GALNT17: variants seen among roughly 807,000 people sequenced by gnomAD.
GALNT17 encodes the protein UDP-GalNAc:polypeptide N-acetylgalactosaminyltransferase-like 3.
A neutral mutation model predicts 63.7 loss-of-function variants in GALNT17; 29 were observed. The ratio of observed to expected loss-of-function variants is 0.46; its 90% CI spans 0.34 to 0.62. GALNT17 has a LOEUF of 0.62. Ranked by LOEUF, GALNT17 falls within the 20% of genes least tolerant of loss-of-function variation. The pLI, the probability that GALNT17 is intolerant of heterozygous loss-of-function variation, is 0.01. For synonymous variants in GALNT17, 305 were observed against 318.3 expected, an observed-to-expected ratio of 0.96 and a Z score of 0.45; for missense variants, 603 against 799.6, an observed-to-expected ratio of 0.75 and a Z score of 2.97.
chr7:71,706,562 T>A (rs1791724442), intron 9 of GALNT17, among the ~76,000 whole-genome samples: 1 of 152,190 alleles, frequency 6.6e-6, no homozygotes, highest in Admixed American at 6.5e-5. Context: ...ACTTTGCATT[T>A]GGAGAATTTA....
intron 6 of GALNT17, among the ~76,000 whole-genome samples, chr7:71,665,099 T>TCCCCA (rs1790964337): frequency 6.6e-6 from 1 of 152,172 alleles, no homozygotes; most frequent in Admixed American, 6.5e-5. Flanking sequence ...TGCCTCAGCC[T>TCCCCA]CCTGAGTAGC....
intron 5 of GALNT17, among the ~76,000 whole-genome samples, chr7:71,440,941 T>G (rs949008535): frequency 1.3e-5 from 2 of 152,168 alleles, no homozygotes; most frequent in Admixed American, 1.3e-4. Context: ...TCCTCTTGTT[T>G]ATGGAAATAC....
intron 1 of GALNT17, among the ~76,000 whole-genome samples, chr7:71,281,600 C>T (rs1790778089): frequency 6.6e-6 from 1 of 152,146 alleles, no homozygotes; most frequent in South Asian, 2.1e-4. Context: ...AAGGCATCAT[C>T]CCTTATTATT....
At chr7:71,475,603 C>T (rs1787709993) in intron 5 of GALNT17, among the ~76,000 whole-genome samples, 1 of 152,174 alleles carries the variant, frequency 6.6e-6, no homozygotes, top group Non-Finnish European at 1.5e-5. Context: ...CCACCACTCA[C>T]CTCCTGCTAT....
chr7:71,512,565 G>A (rs1314085927), intron 5 of GALNT17, among the ~76,000 whole-genome samples: 2 of 152,184 alleles, frequency 1.3e-5, no homozygotes, highest in African/African-American at 2.4e-5. Flanking sequence ...AGACGGCAAC[G>A]TTGCTTCTCA....
chr7:71,641,315 T>G (rs192003685), intron 6 of GALNT17, among the ~76,000 whole-genome samples: 33 of 152,332 alleles, frequency 2.2e-4, no homozygotes, highest in Non-Finnish European at 3.8e-4. Flanking sequence ...TCTTGGGCAT[T>G]GTTGACCTTC....
At chr7:71,343,326 A>G (rs1027004950) in intron 2 of GALNT17, among the ~76,000 whole-genome samples, 2 of 152,228 alleles carry the variant, frequency 1.3e-5, no homozygotes, top group African/African-American at 4.8e-5. Context: ...AGCTTTAAGT[A>G]GGCTAATTTC....
Position 71,678,103 on chromosome 7 carries a change from T to G in GALNT17, c.1500+797T>G, listed in dbSNP as rs139836737. ...CCAGGCTTTCCAGCACAGCCAAGCA[T>G]TTTATACTATTTATTTATTTATTTA... On this transcript the variant is annotated intron_variant, in intron 9 of 10. Transcript: ENST00000333538. Among the ~76,000 whole-genome samples the G allele has an allele frequency of 4.8e-3, 733 of 152,016 alleles. 9 individuals are homozygous for G. The highest frequency in any genetic ancestry group is 0.017 in the African/African-American group (694 of 41,476).
intron 5 of GALNT17, among the ~76,000 whole-genome samples, chr7:71,459,514 T>C (rs1488661893): frequency 6.6e-6 from 1 of 152,030 alleles, no homozygotes; most frequent in Non-Finnish European, 1.5e-5. Flanking sequence ...ACCTGGGGAG[T>C]CATGCCTTAT....
intron 1 of GALNT17, among the ~76,000 whole-genome samples, chr7:71,226,187 C>T (rs79557453): frequency 6.6e-6 from 1 of 152,286 alleles, no homozygotes; most frequent in Admixed American, 6.5e-5. Context: ...TCTTTAGGAA[C>T]TTCAATTTTG....
intron 5 of GALNT17, among the ~76,000 whole-genome samples, chr7:71,479,840 G>A (rs1343658748): frequency 2.6e-5 from 4 of 152,136 alleles, no homozygotes; most frequent in Admixed American, 1.3e-4. Flanking sequence ...TGTTTTTCTA[G>A]GAAATCTTCC....
rs1791195801 is a variant in GALNT17 at position 71,301,428 on chromosome 7, T to C, written c.239-34122T>C. Among the ~76,000 whole-genome samples, 3 of 147,668 alleles carry C rather than the reference T, an allele frequency of 2.0e-5. 1 individual carries two copies. Among genetic ancestry groups the C allele is most frequent in the South Asian group, 4.2e-4 (2 of 4,776 alleles). On this transcript the variant is annotated intron_variant, in intron 1 of 10. Coordinates refer to ENST00000333538, the MANE Select transcript of GALNT17 (RefSeq NM_022479.3). ...ATTTAAATATGTATATAATAAAATA[T>C]ATAACATATATTTTAAATATTGTTT... is the stretch of plus-strand genomic sequence containing the variant.
chr7:71,132,890 C>T lies in GALNT17; in HGVS notation c.88C>T (p.Pro30Ser), dbSNP rs760371137. 4 of 1,612,910 alleles carry T rather than the reference C, an allele frequency of 2.5e-6. No homozygotes were observed. The highest frequency in any genetic ancestry group is 2.2e-5 in the East Asian group (1 of 44,816). ...GFVLFLAKCR[P>S]IAVRSGDAFH... Reference sequence around the variant, plus strand: ...CGTGCTCTTCCTGGCCAAGTGCCGGCCCATCGCGGTGCGCAGCGGAGACGC... The same window carrying T: ...CGTGCTCTTCCTGGCCAAGTGCCGGTCCATCGCGGTGCGCAGCGGAGACGC... Residue 30 changes from proline to serine, a missense_variant, in exon 1 of 11, where the codon CCC (proline) becomes TCC (serine). Coordinates refer to ENST00000333538, the MANE Select transcript of GALNT17 (RefSeq NM_022479.3).
At chr7:71,625,504 G>A (rs1790359261) in intron 6 of GALNT17, among the ~76,000 whole-genome samples, 1 of 152,018 alleles carries the variant, frequency 6.6e-6, no homozygotes, top group Admixed American at 6.6e-5. Flanking sequence ...AGAGATGTAT[G>A]TTTTCTCCTC....
At chr7:71,486,181 T>G (rs1377946219) in intron 5 of GALNT17, among the ~76,000 whole-genome samples, 7 of 151,386 alleles carry the variant, frequency 4.6e-5, no homozygotes, top group African/African-American at 1.7e-4. Context: ...ATGCAAAAAT[T>G]TGCCGGGCGT....
chr7:71,665,660 T>G (rs1201040442), intron 7 of GALNT17, 64 bp downstream of exon 7: 1 of 1,520,348 alleles, frequency 6.6e-7, no homozygotes, highest in Admixed American at 2.4e-5. Context: ...GATCACTATT[T>G]ATTTAATAAA....
intron 5 of GALNT17, among the ~76,000 whole-genome samples, chr7:71,429,607 A>G (rs1786822603): frequency 6.6e-6 from 1 of 152,160 alleles, no homozygotes; most frequent in South Asian, 2.1e-4. Flanking sequence ...CAGTGGTGAG[A>G]TCATAGTTCA....
rs1306924564 is a variant in GALNT17, at chr7:71,137,171, GCT to G, written c.238+4134_238+4135del. On this transcript the variant is annotated intron_variant, in intron 1 of 10. Coordinates refer to ENST00000333538, the MANE Select transcript of GALNT17 (RefSeq NM_022479.3). Reference sequence around the variant, plus strand: ...TTTTTTTTTTTTGAGACAGAGTCTTGCTCTGTCACCCAGGCTGGAGCGCAGTG... The same window carrying G: ...TTTTTTTTTTTTGAGACAGAGTCTTGCTGTCACCCAGGCTGGAGCGCAGTG... 1.6e-4 allele frequency among the ~76,000 whole-genome samples: 19 copies of G among 119,616 alleles called. No homozygotes were observed. In the Admixed American group the frequency reaches 2.0e-3, roughly 12 times the overall value. 78.5% of individuals were successfully genotyped at this position (119,616 alleles called of 152,430 possible). A position where few individuals can be genotyped will look rare whatever the true frequency, so the allele number is the denominator to read the frequency against.
At chr7:71,450,881 T>A (rs1457927994) in intron 5 of GALNT17, among the ~76,000 whole-genome samples, 2 of 152,146 alleles carry the variant, frequency 1.3e-5, no homozygotes, top group African/African-American at 4.8e-5. Flanking sequence ...TAAATTTTAT[T>A]TTCTGTTCTA....
Sources: gnomAD v4.1 joint callset for allele counts (sites outside exome capture counted in the v4.1 genomes callset) on GRCh38, gnomAD v4.1.1 for gene constraint, MANE v1.5 for transcripts, NCBI Gene and HGNC (gene_info 2026-07-23, HGNC 2026-07-21) for gene names.